Variants in DHX40 observed in about 807,000 individuals in gnomAD.
DHX40 encodes the protein probable ATP-dependent RNA helicase DHX40.
DHX40 carries 28 observed loss-of-function variants against 89.6 expected under a neutral mutation model. The observed-to-expected ratio is 0.31, with a 90% CI of 0.23 to 0.43. The LOEUF is 0.43. DHX40 is among the 20% of genes least tolerant of loss of function. The pLI is 1.00. For missense variants in DHX40, 457 were observed against 844.0 expected (o/e 0.54, Z 5.68); for synonymous variants, 226 against 283.6 (o/e 0.80, Z 2.04).
At chr17:59,572,142 T>C (rs1255925776) in intron 3 of DHX40, among the ~76,000 whole-genome samples, 1 of 152,212 alleles carries the variant, frequency 6.6e-6, no homozygotes, top group African/African-American at 2.4e-5. Context: ...AATATTATAA[T>C]TTACATTCCC....
chr17:59,577,746 C>T (rs1222463464), intron 8 of DHX40, among the ~76,000 whole-genome samples: 1 of 152,190 alleles, frequency 6.6e-6, no homozygotes, highest in African/African-American at 2.4e-5. Context: ...TGTCACCGTA[C>T]TTGGCTGTTC....
In DHX40 at chr17:59,605,588, A is replaced by G. The variant is rs1567904447; in HGVS notation, c.2114A>G (p.His705Arg). 6.2e-7 allele frequency: 1 copy of G among 1,614,160 alleles called. No homozygotes were observed. Among genetic ancestry groups the G allele is most frequent in the East Asian group, 2.2e-5 (1 of 44,880 alleles). Residue 705 changes from histidine to arginine, a missense_variant, in exon 17 of 18, where the codon CAT becomes CGT. Physicochemically the swap from His to Arg is conservative, Grantham distance 29. Around this residue, in one of 9 missense-constraint regions of DHX40, gnomAD observed 120 missense variants for 161.7 expected, o/e 0.74. Transcript: ENST00000251241. ...LLPKLHEFNAHDLSSVARREV... is the reference protein window; with the variant it reads ...LLPKLHEFNARDLSSVARREV... ...CCCAAGTTGCATGAATTTAATGCAC[A>G]TGATTTGAGCAGTGTGGCCCGACGT...
At chr17:59,567,980 A>G (rs964422395) in intron 2 of DHX40, among the ~76,000 whole-genome samples, 5 of 152,090 alleles carry the variant, frequency 3.3e-5, no homozygotes, top group Non-Finnish European at 7.4e-5. Context: ...CAAGCCTGTA[A>G]TCCCAGCACT....
intron 12 of DHX40, among the ~76,000 whole-genome samples, chr17:59,594,757 C>T (rs1364961954): frequency 2.6e-5 from 4 of 152,020 alleles, no homozygotes; most frequent in African/African-American, 7.3e-5. Context: ...TCTTCCCTAC[C>T]GAGTAGCATT....
rs1047115211 is a variant in DHX40 at position 59,607,892 on chromosome 17, G to T, written c.*720G>T. On this transcript the variant is annotated 3_prime_UTR_variant, in exon 18 of 18. Coordinates refer to ENST00000251241, the MANE Select transcript of DHX40 (RefSeq NM_024612.5). ...AAGGACAGATGATATATATATATAT[G>T]ATATATATATATATATAAGTTCTTT... 30 of 146,616 alleles carry T rather than the reference G, an allele frequency of 2.0e-4. No individual in the cohort carries two copies. Among genetic ancestry groups the T allele is most frequent in the African/African-American group, 6.0e-4 (24 of 40,184 alleles). 9.1% of individuals were successfully genotyped at this position (146,616 alleles called of 1,614,324 possible). A position where few individuals can be genotyped will look rare whatever the true frequency, so the allele number is the denominator to read the frequency against.
chr17:59,605,598 C>T lies in DHX40; in HGVS notation c.2124C>T (p.Ser708=), dbSNP rs180934785. Residue 708 remains serine (S), a synonymous_variant, in exon 17 of 18, where the codon AGC becomes AGT. Transcript: ENST00000251241. ...ATGAATTTAATGCACATGATTTGAG[C>T]AGTGTGGCCCGACGTGAAGTGAGAG... is the stretch of plus-strand genomic sequence containing the variant. ...KLHEFNAHDL[S]SVARREVRED... is the part of the protein sequence containing the mutation. 2.1e-4 allele frequency: 332 copies of T among 1,614,038 alleles called. 2 individuals are homozygous for T. The East Asian group carries it at 7.2e-3, about 35-fold the overall frequency.
At chr17:59,589,242 G>A (rs1295570331) in intron 12 of DHX40, among the ~76,000 whole-genome samples, 1 of 85,696 alleles carries the variant, frequency 1.2e-5, no homozygotes, top group South Asian at 4.8e-4. Flanking sequence ...TTTTTTTTGA[G>A]ATGGAGTCTT....
intron 12 of DHX40, among the ~76,000 whole-genome samples, chr17:59,589,742 T>TG (rs1311460752): frequency 7.2e-6 from 1 of 137,954 alleles, no homozygotes; most frequent in Non-Finnish European, 1.6e-5. Context: ...GTTTTTGAGA[T>TG]GGAGTTTCAC....
chr17:59,607,476 A>G lies in DHX40; in HGVS notation c.*304A>G, dbSNP rs1423320808. On this transcript the variant is annotated 3_prime_UTR_variant, in exon 18 of 18. Transcript: ENST00000251241. The stretch of plus-strand genomic sequence containing the variant: ...GCCTTAACTGGTATCAAACGCTGTC[A>G]TTGAGATGTTTTCAAAGAACATTGA... 5.2e-6 allele frequency: 3 copies of G among 580,798 alleles called. No homozygotes were observed. Among genetic ancestry groups the G allele is most frequent in the Non-Finnish European group, 9.2e-6 (3 of 326,788 alleles). The allele number at this position is 580,798 out of a possible 1,614,324, so 36.0% of individuals were successfully genotyped here.
chr17:59,603,255 CTG>C (rs1251705186), intron 15 of DHX40: 1 of 151,988 alleles, frequency 6.6e-6, no homozygotes, highest in East Asian at 1.9e-4. Context: ...TGGATGGACA[CTG>C]GAATAAAAAT....
rs554188779 is a variant in DHX40, at chr17:59,571,255, C to T, written c.426+592C>T. On this transcript the variant is annotated intron_variant, in intron 3 of 17. Coordinates refer to ENST00000251241, the MANE Select transcript of DHX40 (RefSeq NM_024612.5). ...GGTGGATCACCTGAGGTCAGGAGTT[C>T]GAGACCAGCCTGACCAACATGGAGA... Among the ~76,000 whole-genome samples, 17 of 152,046 alleles carry T rather than the reference C, an allele frequency of 1.1e-4. No homozygotes were observed. The East Asian group carries it at 2.7e-3, about 24-fold the overall frequency.
At chr17:59,594,103 C>T (rs2049118473) in intron 12 of DHX40, among the ~76,000 whole-genome samples, 1 of 152,158 alleles carries the variant, frequency 6.6e-6, no homozygotes, top group Non-Finnish European at 1.5e-5. Context: ...ATTTACTTCT[C>T]AGAAGGCACA....
chr17:59,574,043 T>C (rs1327704174), intron 5 of DHX40, 76 bp downstream of exon 5: 1 of 892,454 alleles, frequency 1.1e-6, no homozygotes, highest in East Asian at 2.7e-5. Context: ...GATAATTCAT[T>C]TGTTCACTAC....
At chr17:59,589,955 A>G (rs1047332315) in intron 12 of DHX40, among the ~76,000 whole-genome samples, 1 of 150,962 alleles carries the variant, frequency 6.6e-6, no homozygotes, top group Non-Finnish European at 1.5e-5. Context: ...TCCTGACCTC[A>G]GGTGATCTGC....
rs2048981499 is a variant in DHX40, at chr17:59,585,516, A to C, written c.1344-637A>C. 4.0e-5 allele frequency among the ~76,000 whole-genome samples: 6 copies of C among 151,358 alleles called. No individual in the cohort carries two copies. The South Asian group carries it at 1.3e-3, about 32-fold the overall frequency. ...GGCGGGCGGATTGCTTAAGCACAGG[A>C]GTTCAAGACCAGCCTGGGCAACATG... On this transcript the variant is annotated intron_variant, in intron 10 of 17. Transcript: ENST00000251241.
intron 12 of DHX40, among the ~76,000 whole-genome samples, chr17:59,590,690 A>G (rs866596860): frequency 0.014 from 2,173 of 151,346 alleles, 50 homozygotes; most frequent in African/African-American, 0.049. Flanking sequence ...GGCTGGTCTC[A>G]AACTCCTGAG....
intron 2 of DHX40, among the ~76,000 whole-genome samples, chr17:59,568,088 C>T (rs895636091): frequency 1.4e-4 from 21 of 151,988 alleles, no homozygotes; most frequent in South Asian, 2.1e-4. Context: ...AAAAATTAGG[C>T]GTGGTGGCGG....
chr17:59,587,776 T>G, intron 11 of DHX40, 120 bp from the exon 12 acceptor site: 1 of 1,366,508 alleles, frequency 7.3e-7, no homozygotes, highest in Non-Finnish European at 1.0e-6. Flanking sequence ...TTAAATTGAA[T>G]TGAACTTCTG....
chr17:59,596,166 C>A lies in DHX40; in HGVS notation c.1583-2571C>A, dbSNP rs879033321. ...CAGGTAGGCTTTTCTCCTGGTATTG[C>A]GAGCCAGGATGGGGTCGATGCTGGA... On this transcript the variant is annotated intron_variant, in intron 12 of 17. Coordinates refer to ENST00000251241, the MANE Select transcript of DHX40 (RefSeq NM_024612.5). Among the ~76,000 whole-genome samples the A allele has an allele frequency of 8.0e-3, 1,221 of 151,776 alleles. 10 individuals carry two copies. Among genetic ancestry groups the A allele is most frequent in the Admixed American group, 0.014 (210 of 15,180 alleles).
Sources: gnomAD v4.1 joint callset for allele counts (sites outside exome capture counted in the v4.1 genomes callset) on GRCh38, gnomAD v4.1.1 for gene constraint, gnomAD v4.1.1 regional missense constraint, MANE v1.5 for transcripts, NCBI Gene and HGNC (gene_info 2026-07-23, HGNC 2026-07-21) for gene names.